TBC1D32: variants seen among roughly 807,000 people sequenced by gnomAD.
The protein encoded by TBC1D32 is TBC1 domain family member 32.
A neutral mutation model predicts 170.3 loss-of-function variants in TBC1D32; 151 were observed. The ratio of observed to expected loss-of-function variants is 0.89; its 90% CI spans 0.78 to 1.01. The LOEUF is 1.01. Ranked by LOEUF, TBC1D32 falls within the 50% of genes least tolerant of loss-of-function variation. TBC1D32 has a pLI of 0.00. For missense variants in TBC1D32, 1,464 were observed against 1,457.1 expected, an observed-to-expected ratio of 1.00 and a Z score of -0.08; for synonymous variants, 498 against 488.0, an observed-to-expected ratio of 1.02 and a Z score of -0.27.
At chr6:121,319,079 T>C (rs1001593223) in intron 2 of TBC1D32, among the ~76,000 whole-genome samples, 2 of 150,108 alleles carry the variant, frequency 1.3e-5, no homozygotes, top group African/African-American at 2.4e-5. Context: ...AAATGTAATA[T>C]TTAATATGTA....
At chr6:121,334,595 T>A, upstream of TBC1D32, 1 of 777,876 alleles carries the variant, frequency 1.3e-6, no homozygotes, top group South Asian at 1.9e-5. Context: ...CAGTGCGTCA[T>A]TTCGGAAAAC....
Position 121,279,116 on chromosome 6 carries a change from C to T in TBC1D32, c.1733+5G>A, listed in dbSNP as rs370817402. 1 of 1,589,780 alleles carries T rather than the reference C, an allele frequency of 6.3e-7. No homozygotes were observed. Among genetic ancestry groups the T allele is most frequent in the African/African-American group, 1.4e-5 (1 of 73,276 alleles). On this transcript the variant is annotated splice_donor_5th_base_variant and intron_variant, in intron 15 of 31. Transcript: ENST00000398212. ...ATAATTATCCGGATTTAAAATAGCA[C>T]ATACCTTTCTTCAGAAGAGTTCATA...
intron 22 of TBC1D32, among the ~76,000 whole-genome samples, chr6:121,175,549 T>A (rs943274174): frequency 4.6e-5 from 7 of 152,342 alleles, no homozygotes; most frequent in Non-Finnish European, 1.0e-4. Flanking sequence ...AAGTATCTCC[T>A]GATGTAATTT....
chr6:121,083,625 AC>A (rs1775876751), intron 31 of TBC1D32, among the ~76,000 whole-genome samples: 1 of 152,062 alleles, frequency 6.6e-6, no homozygotes, highest in Non-Finnish European at 1.5e-5. Context: ...TTGATTTGGG[AC>A]CACTGAATCT....
chr6:121,100,967 A>G (rs1167897228), intron 30 of TBC1D32, among the ~76,000 whole-genome samples: 1 of 152,176 alleles, frequency 6.6e-6, no homozygotes, highest in Non-Finnish European at 1.5e-5. Flanking sequence ...AACTCTATAC[A>G]AATAAACTAG....
rs1324212376 is a variant in TBC1D32 at position 121,141,786 on chromosome 6, TG to T, written c.2774-10035del. Among the ~76,000 whole-genome samples, 4 of 151,584 alleles carry T rather than the reference TG, an allele frequency of 2.6e-5. No individual in the cohort carries two copies. In the East Asian group the frequency reaches 7.8e-4, roughly 29 times the overall value. On this transcript the variant is annotated intron_variant, in intron 24 of 31. Transcript: ENST00000398212. ...ATGTGTAGGAGTTCGGTCAGGGTGG[TG>T]GGAAAAGTTGTAAAAAAAAAAAGTT...
rs189146382 is a variant in TBC1D32 at position 121,175,350 on chromosome 6, C to A, written c.2571-14294G>T. Among the ~76,000 whole-genome samples, 500 of 152,200 alleles carry A rather than the reference C, an allele frequency of 3.3e-3. 4 individuals carry two copies. The highest frequency in any genetic ancestry group is 6.0e-3 in the Admixed American group (91 of 15,294). On this transcript the variant is annotated intron_variant, in intron 22 of 31. Coordinates refer to ENST00000398212, the MANE Select transcript of TBC1D32 (RefSeq NM_152730.6). ...GGGCAACTGTATGAGTAAATACATA[C>A]CTGGACTGAATTCTGCTAATTAGGG...
chr6:121,087,205 G>A (rs1020642413), intron 31 of TBC1D32, among the ~76,000 whole-genome samples: 3 of 152,238 alleles, frequency 2.0e-5, no homozygotes, highest in Non-Finnish European at 2.9e-5. Context: ...TTATACCCAA[G>A]GCGTTCATCT....
chr6:121,235,264 G>GT (rs1563012280), intron 20 of TBC1D32, among the ~76,000 whole-genome samples: 1 of 152,168 alleles, frequency 6.6e-6, no homozygotes, highest in African/African-American at 2.4e-5. Flanking sequence ...GGGACACCTG[G>GT]TTAAGCATTC....
At chr6:121,298,955 C>A (rs992880180) in intron 10 of TBC1D32, among the ~76,000 whole-genome samples, 2 of 152,058 alleles carry the variant, frequency 1.3e-5, no homozygotes, top group African/African-American at 4.8e-5. Context: ...TTACATTGTT[C>A]TACTAATAGT....
At chr6:121,244,997 G>A (rs773567979) in intron 17 of TBC1D32, among the ~76,000 whole-genome samples, 2 of 152,250 alleles carry the variant, frequency 1.3e-5, no homozygotes, top group South Asian at 4.2e-4. Context: ...TTCCTGGCTG[G>A]AGGCCAACAA....
At chr6:121,103,706 A>C (rs7768927) in intron 30 of TBC1D32, among the ~76,000 whole-genome samples, 27,093 of 151,892 alleles carry the variant, frequency 0.18, 3,214 homozygotes, top group African/African-American at 0.31. Context: ...CACGTTGTGC[A>C]CATGTACCCT....
At chr6:121,276,621 G>C (rs932846599) in intron 15 of TBC1D32, among the ~76,000 whole-genome samples, 1 of 152,064 alleles carries the variant, frequency 6.6e-6, no homozygotes, top group African/African-American at 2.4e-5. Context: ...TAGATTAAAA[G>C]TCAAGACCCA....
At chr6:121,110,114 G>A (rs2128194996) in intron 29 of TBC1D32, among the ~76,000 whole-genome samples, 1 of 151,778 alleles carries the variant, frequency 6.6e-6, no homozygotes, top group East Asian at 1.9e-4. Context: ...ATCTGGGCGT[G>A]GTGGCAGGCA....
At chr6:121,155,345 A>AT (rs1184893742) in intron 24 of TBC1D32, among the ~76,000 whole-genome samples, 20 of 152,074 alleles carry the variant, frequency 1.3e-4, no homozygotes, top group African/African-American at 3.4e-4. Context: ...TTGTTCATTG[A>AT]TTTTTTATCT....
At chr6:121,330,691 T>C (rs539791816) in intron 1 of TBC1D32, among the ~76,000 whole-genome samples, 1 of 152,304 alleles carries the variant, frequency 6.6e-6, no homozygotes, top group African/African-American at 2.4e-5. Flanking sequence ...ACCACTTCCC[T>C]CTGCCAAAAC....
chr6:121,270,013 C>T (rs2128422475), intron 15 of TBC1D32, among the ~76,000 whole-genome samples: 1 of 152,264 alleles, frequency 6.6e-6, no homozygotes, highest in South Asian at 2.1e-4. Context: ...TGAATGACTA[C>T]TGGGTACATA....
At chr6:121,252,386 A>G (rs1798416737) in intron 17 of TBC1D32, among the ~76,000 whole-genome samples, 1 of 151,972 alleles carries the variant, frequency 6.6e-6, no homozygotes, top group Admixed American at 6.6e-5. Context: ...CATGAAATAC[A>G]GCCATAAAAT....
chr6:121,196,798 C>T (rs1413904710), intron 22 of TBC1D32, among the ~76,000 whole-genome samples: 2 of 152,248 alleles, frequency 1.3e-5, no homozygotes, highest in Middle Eastern at 3.4e-3. Context: ...CAGAAGGCCA[C>T]GTGTGCTCTG....
Sources: gnomAD v4.1 joint callset for allele counts (sites outside exome capture counted in the v4.1 genomes callset) on GRCh38, gnomAD v4.1.1 for gene constraint, MANE v1.5 for transcripts, NCBI Gene and HGNC (gene_info 2026-07-23, HGNC 2026-07-21) for gene names.